The following TMTC2 variants were observed in gnomAD, a reference collection of about 807,000 sequenced individuals.
TMTC2 encodes protein O-mannosyl-transferase TMTC2.
TMTC2 carries 43 observed loss-of-function variants against 82.4 expected under a neutral mutation model. That is an observed-to-expected ratio of 0.52 (90% confidence interval 0.41 to 0.67). The LOEUF (loss-of-function observed/expected upper bound fraction) is 0.67. Ranked by LOEUF, TMTC2 falls within the 30% of genes least tolerant of loss-of-function variation. The probability of loss-of-function intolerance (pLI) is 0.00; values close to 1 mark genes in which losing one functional copy is unlikely to be tolerated. For missense variants in TMTC2, 919 were observed against 1,012.4 expected (o/e 0.91, Z 1.25); for synonymous variants, 408 against 381.9 (o/e 1.07, Z -0.80).
intron 11 of TMTC2, among the ~76,000 whole-genome samples, chr12:83,088,534 A>C (rs538648765): frequency 6.6e-6 from 1 of 152,198 alleles, no homozygotes; most frequent in South Asian, 2.1e-4. Flanking sequence ...CTTAGAGACC[A>C]AAAGAGGATT....
chr12:82,811,304 G>C (rs11830781), intron 1 of TMTC2, among the ~76,000 whole-genome samples: 2 of 151,842 alleles, frequency 1.3e-5, no homozygotes, highest in Non-Finnish European at 2.9e-5. Flanking sequence ...GTATGAAAAC[G>C]TACTAATACA....
chr12:83,065,622 T>A (rs547898062), intron 11 of TMTC2, among the ~76,000 whole-genome samples: 1 of 151,902 alleles, frequency 6.6e-6, no homozygotes, highest in African/African-American at 2.4e-5. Flanking sequence ...CATTTTAAGT[T>A]TTTTTAGTTT....
chr12:83,041,209 C>T (rs1304746026), intron 9 of TMTC2, among the ~76,000 whole-genome samples: 3 of 152,104 alleles, frequency 2.0e-5, no homozygotes, highest in Non-Finnish European at 2.9e-5. Context: ...ACTCTAGAAG[C>T]CACAAAAGCA....
At chr12:83,119,505 G>A (rs1423622623) in intron 11 of TMTC2, among the ~76,000 whole-genome samples, 1 of 152,152 alleles carries the variant, frequency 6.6e-6, no homozygotes, top group Non-Finnish European at 1.5e-5. Context: ...TGGTGTGAGA[G>A]AGTGCATGAT....
At chr12:82,990,834 C>T (rs2137347678) in intron 8 of TMTC2, among the ~76,000 whole-genome samples, 1 of 152,176 alleles carries the variant, frequency 6.6e-6, no homozygotes, top group South Asian at 2.1e-4. Context: ...TACTCATTCC[C>T]TCATTAATCC....
chr12:82,903,874 A>G (rs1874160885), intron 3 of TMTC2, among the ~76,000 whole-genome samples: 1 of 152,224 alleles, frequency 6.6e-6, no homozygotes, highest in African/African-American at 2.4e-5. Flanking sequence ...CATGCATGAA[A>G]TAAGGCAAAA....
chr12:82,909,460 C>T lies in TMTC2; in HGVS notation c.1483+12814C>T, dbSNP rs1170722929. Among the ~76,000 whole-genome samples, 4 of 152,110 alleles carry T rather than the reference C, an allele frequency of 2.6e-5. No homozygotes were observed. The East Asian group carries it at 7.7e-4, about 29-fold the overall frequency. ...GTTCAAGTGATTCTCCTCCTTCAGCCTCCCAAGTAGCTGGGATTACAGGCA... is the reference window on the plus strand; with the variant it reads ...GTTCAAGTGATTCTCCTCCTTCAGCTTCCCAAGTAGCTGGGATTACAGGCA... On this transcript the variant is annotated intron_variant, in intron 3 of 11. Transcript: ENST00000321196.
intron 1 of TMTC2, among the ~76,000 whole-genome samples, chr12:82,752,509 A>G (rs1876069229): frequency 6.6e-6 from 1 of 151,974 alleles, no homozygotes; most frequent in South Asian, 2.1e-4. Context: ...AACAAAACAA[A>G]GAATCTTAGG....
intron 11 of TMTC2, among the ~76,000 whole-genome samples, chr12:83,084,143 T>A (rs1883567032): frequency 6.6e-6 from 1 of 152,234 alleles, no homozygotes; most frequent in Non-Finnish European, 1.5e-5. Flanking sequence ...TCAGATAGTT[T>A]GAGCTCCTGT....
In TMTC2 at chr12:82,687,596, G is replaced by C. The variant is rs11115344; in HGVS notation, c.10G>C (p.Glu4Gln). MIA[E>Q]LVSSALGLAL... Reference sequence around the variant, plus strand: ...GGAAGGCGGTGGAGAGATGATTGCAGAGTTGGTGAGCAGCGCTCTGGGGCT... The same window carrying C: ...GGAAGGCGGTGGAGAGATGATTGCACAGTTGGTGAGCAGCGCTCTGGGGCT... The change falls in exon 1 of 12, where the codon GAG (glutamate) becomes CAG (glutamine). Residue 4 changes from glutamate (E) to glutamine (Q), a missense_variant. Transcript: ENST00000321196. 1 of 1,599,150 alleles carries C rather than the reference G, an allele frequency of 6.3e-7. No individual in the cohort carries two copies. Among genetic ancestry groups the C allele is most frequent in the African/African-American group, 1.3e-5 (1 of 74,852 alleles).
At chr12:82,721,298 G>A (rs1270066407) in intron 1 of TMTC2, among the ~76,000 whole-genome samples, 1 of 152,102 alleles carries the variant, frequency 6.6e-6, no homozygotes, top group African/African-American at 2.4e-5. Context: ...ACCTGGTTAG[G>A]GACGAAGCTC....
intron 1 of TMTC2, among the ~76,000 whole-genome samples, chr12:82,806,145 G>A (rs879846010): frequency 6.6e-5 from 10 of 152,116 alleles, no homozygotes; most frequent in Admixed American, 2.0e-4. Flanking sequence ...TATTTTGTGC[G>A]TTGAGTTAAA....
At chr12:83,050,617 T>C (rs1424787406) in intron 9 of TMTC2, among the ~76,000 whole-genome samples, 1 of 152,152 alleles carries the variant, frequency 6.6e-6, no homozygotes, top group Non-Finnish European at 1.5e-5. Flanking sequence ...GGAAATCAGC[T>C]CAACTCATAT....
chr12:82,977,687 C>A (rs1288077280), intron 7 of TMTC2, among the ~76,000 whole-genome samples: 1 of 151,804 alleles, frequency 6.6e-6, no homozygotes, highest in Non-Finnish European at 1.5e-5. Context: ...ATAAAAGATA[C>A]TTTAATAATA....
At chr12:83,116,682 A>T (rs1451088362) in intron 11 of TMTC2, among the ~76,000 whole-genome samples, 1 of 152,166 alleles carries the variant, frequency 6.6e-6, no homozygotes, top group East Asian at 1.9e-4. Context: ...TTCCCTGAAC[A>T]TTAGTGATGT....
At chr12:83,045,418 T>C (rs1417534260) in intron 9 of TMTC2, among the ~76,000 whole-genome samples, 2 of 152,182 alleles carry the variant, frequency 1.3e-5, no homozygotes, top group African/African-American at 4.8e-5. Flanking sequence ...ACGCTGTTTG[T>C]GCTTTTTTAA....
chr12:82,997,813 A>G (rs1220638351), intron 8 of TMTC2, among the ~76,000 whole-genome samples: 1 of 152,084 alleles, frequency 6.6e-6, no homozygotes, highest in Non-Finnish European at 1.5e-5. Flanking sequence ...AGTGTGAGGA[A>G]AGATACATAC....
rs558638976 is a variant in TMTC2 at position 82,806,604 on chromosome 12, G to A, written c.84-50406G>A. Among the ~76,000 whole-genome samples, 26 of 152,108 alleles carry A rather than the reference G, an allele frequency of 1.7e-4. No homozygotes were observed. The South Asian group carries it at 3.3e-3, about 19-fold the overall frequency. ...TCATTACTAATACTATTGACTATACGCCTTACCAATAAGTTAATTAACACA... is the reference window on the plus strand; with the variant it reads ...TCATTACTAATACTATTGACTATACACCTTACCAATAAGTTAATTAACACA... On this transcript the variant is annotated intron_variant, in intron 1 of 11. Coordinates refer to ENST00000321196, the MANE Select transcript of TMTC2 (RefSeq NM_152588.3).
chr12:82,695,731 G>C (rs974500242), intron 1 of TMTC2, among the ~76,000 whole-genome samples: 52 of 152,170 alleles, frequency 3.4e-4, no homozygotes, highest in Non-Finnish European at 5.6e-4. Context: ...TCCTCTGCGG[G>C]GGGTGCTTTA....
Sources: allele counts gnomAD v4.1 joint callset (sites outside exome capture counted in the v4.1 genomes callset), GRCh38; gene constraint gnomAD v4.1.1; transcripts MANE v1.5; gene names NCBI Gene and HGNC (gene_info 2026-07-23, HGNC 2026-07-21).